GTSF1: variants seen among roughly 807,000 people sequenced by gnomAD.
The protein encoded by GTSF1 is gametocyte specific factor 1, also known as gametocyte-specific factor 1.
In GTSF1, 11 loss-of-function variants were observed where a neutral mutation model predicts 28.9. That is an observed-to-expected ratio of 0.38 (90% CI 0.24 to 0.63). The LOEUF (loss-of-function observed/expected upper bound fraction) is 0.63. Among genes scored for constraint, GTSF1 ranks in the 30% least tolerant of loss-of-function variants. GTSF1 has a pLI of 0.56. For missense variants in GTSF1, 146 were observed against 201.0 expected (o/e 0.73, Z 1.66); for synonymous variants, 69 against 65.6 (o/e 1.05, Z -0.25).
At chr12:54,466,047 A>C (rs1382269126) in intron 2 of GTSF1, among the ~76,000 whole-genome samples, 2 of 152,240 alleles carry the variant, frequency 1.3e-5, no homozygotes, top group Non-Finnish European at 2.9e-5. Flanking sequence ...TGAGGTTAAG[A>C]CAACTGCAGA....
chr12:54,465,732 C>A (rs182675974), intron 2 of GTSF1, among the ~76,000 whole-genome samples: 169 of 152,076 alleles, frequency 1.1e-3, no homozygotes, highest in African/African-American at 3.9e-3. Context: ...TTACTAGTAT[C>A]CTGTGACATG....
intron 2 of GTSF1, among the ~76,000 whole-genome samples, chr12:54,467,359 G>T (rs1437492323): frequency 1.3e-5 from 2 of 149,908 alleles, no homozygotes; most frequent in African/African-American, 4.9e-5. Flanking sequence ...CTGTTATCCA[G>T]GCTGGAGTGC....
At position 54,459,994 on chromosome 12, in the gene GTSF1, G is replaced by A. The variant is rs186028445; in HGVS notation, c.487+383C>T. Among the ~76,000 whole-genome samples the A allele has an allele frequency of 1.1e-3, 129 of 122,154 alleles. 23 individuals carry two copies. The highest frequency in any genetic ancestry group is 3.5e-3 in the African/African-American group (99 of 28,580). 80.1% of individuals were successfully genotyped at this position (122,154 alleles called of 152,430 possible). On this transcript the variant is annotated intron_variant, in intron 7 of 8. Transcript: ENST00000305879. ...GCCCGCCTCGGCCTCCCAAAGTGCTGGGATTACAGGCGTGAGCCACCGCGC... is the reference window on the plus strand; with the variant it reads ...GCCCGCCTCGGCCTCCCAAAGTGCTAGGATTACAGGCGTGAGCCACCGCGC...
chr12:54,463,108 G>C (rs1197886655), intron 4 of GTSF1, 63 bp downstream of exon 4: 2 of 1,534,390 alleles, frequency 1.3e-6, no homozygotes, highest in African/African-American at 2.8e-5. Flanking sequence ...TGACAATCTA[G>C]CATAATACAA....
chr12:54,457,323 C>T (rs11170911), intron 8 of GTSF1, among the ~76,000 whole-genome samples: 2,503 of 152,292 alleles, frequency 0.016, 35 homozygotes, highest in Non-Finnish European at 0.021. Flanking sequence ...AGATTTTCAT[C>T]TTAGAGTAGC....
chr12:54,460,340 GAA>G, intron 7 of GTSF1, 35 bp downstream of exon 7: 1 of 1,415,060 alleles, frequency 7.1e-7, no homozygotes, highest in Non-Finnish European at 1.0e-6. Flanking sequence ...TTAGCACAAT[GAA>G]AAGAGTAAAA....
chr12:54,470,286 C>A (rs1336578910), intron 2 of GTSF1, among the ~76,000 whole-genome samples: 1 of 152,224 alleles, frequency 6.6e-6, no homozygotes, highest in Non-Finnish European at 1.5e-5. Context: ...AATGCAAATT[C>A]TCAGATACCA....
At chr12:54,459,663 A>C in intron 7 of GTSF1, 1 of 211,332 alleles carries the variant, frequency 4.7e-6, no homozygotes, top group Non-Finnish European at 9.4e-6. Context: ...CTCTCTACTC[A>C]TTTCCTTTTA....
intron 8 of GTSF1, among the ~76,000 whole-genome samples, chr12:54,456,856 G>A (rs907740600): frequency 1.3e-5 from 2 of 152,066 alleles, no homozygotes; most frequent in African/African-American, 2.4e-5. Context: ...AGGCCAAGGC[G>A]GGTGGAACAC....
At position 54,462,187 on chromosome 12, in the gene GTSF1, A is replaced by C; in HGVS notation, c.329-15T>G. 1.2e-6 allele frequency: 2 copies of C among 1,605,164 alleles called. No homozygotes were observed. Among genetic ancestry groups the C allele is most frequent in the South Asian group, 2.2e-5 (2 of 90,856 alleles). On this transcript the variant is annotated splice_polypyrimidine_tract_variant and intron_variant, in intron 5 of 8. Coordinates refer to ENST00000305879, the MANE Select transcript of GTSF1 (RefSeq NM_144594.3). Reference sequence around the variant, plus strand: ...CTCCCACAAATCTGTTAAAGGAAGCAAAACATAGTTTGTGGTACTACTAGA... The same window carrying C: ...CTCCCACAAATCTGTTAAAGGAAGCCAAACATAGTTTGTGGTACTACTAGA...
intron 1 of GTSF1, chr12:54,472,687 C>G (rs1043163294): frequency 9.9e-5 from 15 of 152,104 alleles, no homozygotes; most frequent in Non-Finnish European, 1.9e-4. Context: ...TCCTCACCAC[C>G]CCTCCCCCCA....
intron 2 of GTSF1, among the ~76,000 whole-genome samples, chr12:54,467,647 T>G (rs1255371066): frequency 2.0e-5 from 3 of 151,882 alleles, no homozygotes; most frequent in Non-Finnish European, 4.4e-5. Context: ...CAATTTGCTT[T>G]TTTTTCTTTT....
At chr12:54,466,662 A>C (rs1956516854) in intron 2 of GTSF1, among the ~76,000 whole-genome samples, 1 of 152,122 alleles carries the variant, frequency 6.6e-6, no homozygotes, top group African/African-American at 2.4e-5. Context: ...ATGGTACCTT[A>C]TGATTCATAT....
chr12:54,463,415 T>C (rs1346017368), intron 3 of GTSF1, 118 bp from the exon 4 acceptor site: 1 of 850,790 alleles, frequency 1.2e-6, no homozygotes, highest in African/African-American at 1.7e-5. Context: ...ACTTCTGGCT[T>C]AACTATAACA....
At chr12:54,465,234 G>C in intron 2 of GTSF1, 67 bp from the exon 3 acceptor site, 1 of 1,025,722 alleles carries the variant, frequency 9.7e-7, no homozygotes, top group Non-Finnish European at 1.5e-6. Flanking sequence ...AGCATTCCAG[G>C]CACACTGGAT....
At chr12:54,464,040 G>A (rs1956468934) in intron 3 of GTSF1, among the ~76,000 whole-genome samples, 1 of 152,152 alleles carries the variant, frequency 6.6e-6, no homozygotes, top group Non-Finnish European at 1.5e-5. Context: ...TGTCATAAAT[G>A]AAACTCGGAA....
chr12:54,457,889 C>A (rs1472056165), intron 8 of GTSF1, among the ~76,000 whole-genome samples: 1 of 152,176 alleles, frequency 6.6e-6, no homozygotes, highest in Admixed American at 6.5e-5. Context: ...TACCTAGAAG[C>A]AACTGATAAG....
chr12:54,459,051 C>A, intron 8 of GTSF1, 38 bp downstream of exon 8: 1 of 1,451,190 alleles, frequency 6.9e-7, no homozygotes. Context: ...ATCTTGCTAC[C>A]ATCTGAAGAG....
intron 2 of GTSF1, among the ~76,000 whole-genome samples, chr12:54,469,639 G>C (rs756262671): frequency 7.5e-6 from 1 of 133,778 alleles, no homozygotes; most frequent in African/African-American, 2.9e-5. Context: ...AGTGAGCTGA[G>C]ATCATACCAC....
Sources: allele counts gnomAD v4.1 joint callset (sites outside exome capture counted in the v4.1 genomes callset), GRCh38; gene constraint gnomAD v4.1.1; transcripts MANE v1.5; gene names NCBI Gene and HGNC (gene_info 2026-07-23, HGNC 2026-07-21).